The following IGF2BP3 variants were observed in gnomAD, a reference collection of about 807,000 sequenced individuals.
IGF2BP3 encodes the protein insulin like growth factor 2 mRNA binding protein 3.
IGF2BP3 carries 9 observed loss-of-function variants against 73.8 expected under a neutral mutation model. The ratio of observed to expected loss-of-function variants is 0.12; its 90% CI spans 0.07 to 0.21. The LOEUF is 0.21. Among genes scored for constraint, IGF2BP3 ranks in the 10% least tolerant of loss-of-function variants. The probability of loss-of-function intolerance (pLI) is 1.00; values close to 1 mark genes in which losing one functional copy is unlikely to be tolerated. For synonymous variants in IGF2BP3, 258 were observed against 256.7 expected (o/e 1.01, Z -0.05); for missense variants, 542 against 714.0 (o/e 0.76, Z 2.75).
intron 2 of IGF2BP3, among the ~76,000 whole-genome samples, chr7:23,443,700 T>C (rs1349715499): frequency 6.6e-6 from 1 of 151,020 alleles, no homozygotes; most frequent in African/African-American, 2.4e-5. Context: ...TAAGCAAAAA[T>C]AAAAAATAAA....
At chr7:23,400,863 G>A (rs373153665) in intron 3 of IGF2BP3, among the ~76,000 whole-genome samples, 2 of 152,340 alleles carry the variant, frequency 1.3e-5, no homozygotes, top group East Asian at 1.9e-4. Flanking sequence ...GCAGAGGCAC[G>A]ATCTTGGCCC....
chr7:23,348,799 A>G (rs895321595), intron 6 of IGF2BP3, among the ~76,000 whole-genome samples: 1 of 152,356 alleles, frequency 6.6e-6, no homozygotes, highest in Admixed American at 6.5e-5. Flanking sequence ...AACCACTGGC[A>G]TGGGAAAGTT....
At chr7:23,437,001 C>T (rs1427227003) in intron 2 of IGF2BP3, among the ~76,000 whole-genome samples, 1 of 151,696 alleles carries the variant, frequency 6.6e-6, no homozygotes, top group African/African-American at 2.4e-5. Flanking sequence ...CGCCTGTAGT[C>T]CCAGCTATTT....
Position 23,469,753 on chromosome 7 carries a change from G to A in IGF2BP3, c.175+183C>T, listed in dbSNP as rs1226901535. The stretch of plus-strand genomic sequence containing the variant: ...ACCCCGGCCGGGGAAGCAGAGCCGC[G>A]GGCCGGAGTGGGAGCCGGAGCTGAG... On this transcript the variant is annotated intron_variant, in intron 1 of 14. Coordinates refer to ENST00000258729, the MANE Select transcript of IGF2BP3 (RefSeq NM_006547.3). This position sits in a 1 kb window ranked among gnomAD's most constrained non-coding sequence, Gnocchi z 6.1. Among the ~76,000 whole-genome samples, 1 of 151,654 alleles carries A rather than the reference G, an allele frequency of 6.6e-6. No individual in the cohort carries two copies. Among genetic ancestry groups the A allele is most frequent in the South Asian group, 2.1e-4 (1 of 4,828 alleles).
chr7:23,399,109 G>A (rs960780927), intron 3 of IGF2BP3, among the ~76,000 whole-genome samples: 34 of 152,132 alleles, frequency 2.2e-4, no homozygotes, highest in Non-Finnish European at 5.0e-4. Flanking sequence ...AAGGGATCCA[G>A]TTTCAGCTTT....
At position 23,450,550 on chromosome 7, in the gene IGF2BP3, T is replaced by C. The variant is rs554982939; in HGVS notation, c.236+17932A>G. ...CCAATCCTCGTGGATAAAGATCCTT[T>C]CCGAGTATAAGACAATCAATGGATT... On this transcript the variant is annotated intron_variant, in intron 2 of 14. Coordinates refer to ENST00000258729, the MANE Select transcript of IGF2BP3 (RefSeq NM_006547.3). The C allele has an allele frequency of 3.3e-5, 5 of 152,298 alleles. No individual in the cohort carries two copies. The East Asian group carries it at 9.6e-4, about 29-fold the overall frequency. The allele number at this position is 152,298 out of a possible 1,614,324, so 9.4% of individuals were successfully genotyped here. A position where few individuals can be genotyped will look rare whatever the true frequency, so the allele number is the denominator to read the frequency against.
intron 2 of IGF2BP3, among the ~76,000 whole-genome samples, chr7:23,440,346 G>C (rs113239195): frequency 1.3e-5 from 2 of 152,074 alleles, no homozygotes; most frequent in Non-Finnish European, 2.9e-5. Context: ...CAAGACAGGA[G>C]AATCACTTCA....
chr7:23,423,461 T>G (rs1388400396), intron 2 of IGF2BP3, among the ~76,000 whole-genome samples: 1 of 152,212 alleles, frequency 6.6e-6, no homozygotes, highest in East Asian at 1.9e-4. Flanking sequence ...AATTACCAAG[T>G]CATTAAAGTT....
chr7:23,330,652 C>G (rs957940200), intron 10 of IGF2BP3, among the ~76,000 whole-genome samples: 1 of 152,146 alleles, frequency 6.6e-6, no homozygotes, highest in Non-Finnish European at 1.5e-5. Flanking sequence ...CAATGTTGGC[C>G]GGGCTGGTCT....
intron 5 of IGF2BP3, among the ~76,000 whole-genome samples, chr7:23,356,737 C>T (rs1785105869): frequency 6.6e-6 from 1 of 152,108 alleles, no homozygotes; most frequent in East Asian, 1.9e-4. Context: ...GACAATTTGG[C>T]AATCATTATT....
intron 10 of IGF2BP3, among the ~76,000 whole-genome samples, chr7:23,328,759 C>G (rs1157063854): frequency 6.6e-6 from 1 of 152,152 alleles, no homozygotes; most frequent in Admixed American, 6.5e-5. Flanking sequence ...AACTACCTAC[C>G]TAACCTAAAG....
At chr7:23,407,129 A>G (rs974329537) in intron 3 of IGF2BP3, among the ~76,000 whole-genome samples, 4 of 151,898 alleles carry the variant, frequency 2.6e-5, no homozygotes, top group Non-Finnish European at 5.9e-5. Flanking sequence ...ACATTAAAGG[A>G]TAAGCGAATA....
intron 3 of IGF2BP3, among the ~76,000 whole-genome samples, chr7:23,391,111 T>TC (rs1786262253): frequency 6.7e-6 from 1 of 148,638 alleles, no homozygotes; most frequent in Non-Finnish European, 1.5e-5. Flanking sequence ...TTTTTTTTTT[T>TC]TTTTTTAAGA....
chr7:23,443,229 G>A (rs996909349), intron 2 of IGF2BP3, among the ~76,000 whole-genome samples: 2 of 148,570 alleles, frequency 1.3e-5, no homozygotes, highest in African/African-American at 5.0e-5. Flanking sequence ...AGGTTCAAGC[G>A]ATTCTCCTGC....
chr7:23,342,207 C>T lies in IGF2BP3; in HGVS notation c.1078-18G>A, dbSNP rs1784730268. The T allele has an allele frequency of 3.1e-6, 5 of 1,612,630 alleles. No individual in the cohort carries two copies. Among genetic ancestry groups the T allele is most frequent in the East Asian group, 4.5e-5 (2 of 44,786 alleles). ...GCTTGAAGCTGCAACAGTAAAAAGGCCCCTTAATTTGACAATTAAAAGAAT... is the reference window on the plus strand; with the variant it reads ...GCTTGAAGCTGCAACAGTAAAAAGGTCCCTTAATTTGACAATTAAAAGAAT... On this transcript the variant is annotated intron_variant, in intron 9 of 14. Coordinates refer to ENST00000258729, the MANE Select transcript of IGF2BP3 (RefSeq NM_006547.3).
At chr7:23,448,615 CTGTTTGTTTGTTTGTT>C (rs36159876) in intron 2 of IGF2BP3, among the ~76,000 whole-genome samples, 2 of 150,960 alleles carry the variant, frequency 1.3e-5, no homozygotes, top group African/African-American at 4.9e-5. Context: ...GTTGCCCAGG[CTGTTTGTTTGTTTGTT>C]TGTTTGTTTG....
At chr7:23,340,657 A>C (rs1385124812) in intron 10 of IGF2BP3, among the ~76,000 whole-genome samples, 1 of 152,176 alleles carries the variant, frequency 6.6e-6, no homozygotes, top group Non-Finnish European at 1.5e-5. Context: ...GGAAGATCCT[A>C]GAATGTCACA....
At chr7:23,334,099 G>A (rs1017005545) in intron 10 of IGF2BP3, among the ~76,000 whole-genome samples, 10 of 152,132 alleles carry the variant, frequency 6.6e-5, no homozygotes, top group African/African-American at 2.4e-4. Flanking sequence ...ACTTTGGAAG[G>A]CTGAGGCGGG....
At chr7:23,375,192 T>G (rs1338336944) in intron 3 of IGF2BP3, among the ~76,000 whole-genome samples, 1 of 152,200 alleles carries the variant, frequency 6.6e-6, no homozygotes, top group African/African-American at 2.4e-5. Flanking sequence ...GAGGTCGATT[T>G]TAAGTAACTT....
Sources: gnomAD v4.1 joint callset for allele counts (sites outside exome capture counted in the v4.1 genomes callset) on GRCh38, gnomAD v4.1.1 for gene constraint, Gnocchi (gnomAD v3.1) non-coding constraint, MANE v1.5 for transcripts, NCBI Gene and HGNC (gene_info 2026-07-23, HGNC 2026-07-21) for gene names.